Variants in ZNF273 observed in about 807,000 individuals in gnomAD.
The protein encoded by ZNF273 is zinc finger protein 273, also known as zinc finger protein 9.
A neutral mutation model predicts 14.9 loss-of-function variants in ZNF273; 11 were observed. That is an observed-to-expected ratio of 0.74 (90% CI 0.46 to 1.22). The LOEUF (loss-of-function observed/expected upper bound fraction) is 1.22. Ranked by LOEUF, ZNF273 falls within the 50% of genes most tolerant of loss-of-function variation. The pLI is 0.00. For missense variants in ZNF273, 577 were observed against 660.6 expected (o/e 0.87, Z 1.39); for synonymous variants, 199 against 223.9 (o/e 0.89, Z 0.99).
downstream of ZNF273, among the ~76,000 whole-genome samples, chr7:64,880,946 G>T (rs1791233770): frequency 6.6e-6 from 1 of 152,174 alleles, no homozygotes; most frequent in African/African-American, 2.4e-5. Context: ...TTCATTCCGG[G>T]GACGGAGAGT....
At chr7:64,931,472 G>A (rs867074479), downstream of ZNF273, among the ~76,000 whole-genome samples, 1 of 152,038 alleles carries the variant, frequency 6.6e-6, no homozygotes, top group South Asian at 2.1e-4. Context: ...ATAAAATTTA[G>A]TAGTGCACAA....
At position 64,930,432 on chromosome 7, in the gene ZNF273, A is replaced by G. The variant is rs1794964830; in HGVS notation, c.*1394A>G. ...GAAAAATTTTTAATATTAAAATTCA[A>G]TTATATCATTTTATGAATTGTGCTT... On this transcript the variant is annotated 3_prime_UTR_variant, in exon 4 of 4. Transcript: ENST00000476120. 6.6e-6 allele frequency: 1 copy of G among 152,158 alleles called. No individual in the cohort carries two copies. The highest frequency in any genetic ancestry group is 1.5e-5 in the Non-Finnish European group (1 of 68,034). The allele number at this position is 152,158 out of a possible 1,614,324, so 9.4% of individuals were successfully genotyped here.
chr7:64,888,932 G>C, downstream of ZNF273: 1 of 981,668 alleles, frequency 1.0e-6, no homozygotes, highest in Non-Finnish European at 1.2e-6. Flanking sequence ...AGAAAACTCT[G>C]GTGGAGCCCA....
downstream of ZNF273, among the ~76,000 whole-genome samples, chr7:64,882,258 A>T (rs905170229): frequency 1.3e-5 from 2 of 152,062 alleles, no homozygotes; most frequent in African/African-American, 4.8e-5. Flanking sequence ...TCGGGAAGGG[A>T]GTCCCAAGAG....
chr7:64,936,293 T>C, the ZNF273 span, among the ~76,000 whole-genome samples: 1 of 152,320 alleles, frequency 6.6e-6, no homozygotes, highest in Non-Finnish European at 1.5e-5. Context: ...CCAGATTCAG[T>C]AAGTATCTAG....
intron 3 of ZNF273, among the ~76,000 whole-genome samples, chr7:64,894,970 A>T (rs1164879384): frequency 1.9e-5 from 2 of 105,870 alleles, no homozygotes; most frequent in African/African-American, 8.8e-5. Context: ...TCTACTAAAA[A>T]TACAAAAAAA....
rs991409755 is a variant in ZNF273, at chr7:64,918,357, A to G, written c.325+65A>G. ...TGACAGGTCTAAAGGTCAAGGAGAA[A>G]GTCAGTTCTTAAAATGTGATTTGGG... is the stretch of plus-strand genomic sequence containing the variant. On this transcript the variant is annotated intron_variant, in intron 3 of 3. Transcript: ENST00000476120. 11 of 1,424,034 alleles carry G rather than the reference A, an allele frequency of 7.7e-6. No homozygotes were observed. The East Asian group carries it at 3.3e-4, about 43-fold the overall frequency. 88.2% of individuals were successfully genotyped at this position (1,424,034 alleles called of 1,614,324 possible).
rs1259314954 is a variant in ZNF273 at position 64,928,781 on chromosome 7, C to T, written c.1453C>T (p.Pro485Ser). The T allele has an allele frequency of 6.2e-7, 1 of 1,613,582 alleles. No homozygotes were observed. Among genetic ancestry groups the T allele is most frequent in the East Asian group, 2.2e-5 (1 of 44,810 alleles). ...EHKRVHTGEK[P>S]YKCNECGKAF... is the part of the protein sequence containing the mutation. ...TAAGAGAGTTCATACTGGAGAGAAA[C>T]CTTACAAATGCAATGAATGTGGTAA... The change falls in exon 4 of 4, where the codon CCT becomes TCT. Residue 485 changes from proline to serine, a missense_variant. Around this residue, in one of 3 missense-constraint regions of ZNF273, gnomAD observed 411 missense variants for 440.4 expected, o/e 0.93. Transcript: ENST00000476120.
At chr7:64,901,789 A>G (rs190588188), upstream of ZNF273, among the ~76,000 whole-genome samples, 1,285 of 151,402 alleles carry the variant, frequency 8.5e-3, 11 homozygotes, top group Middle Eastern at 0.017. Context: ...CGTCTCTACT[A>G]AAAATACAAA....
intron 1 of ZNF273, among the ~76,000 whole-genome samples, chr7:64,915,047 ATTAAGTTTATT>A (rs1793866316): frequency 6.7e-6 from 1 of 148,624 alleles, no homozygotes. Context: ...TTTCTTCCCT[ATTAAGTTTATT>A]TTAACTACTT....
rs377455025 is a variant in ZNF273 at position 64,925,156 on chromosome 7, A to C, written c.326-2498A>C. ...TATTAAATGTATGTCTCTTGATCGG[A>C]AAGTTAATTATATATATTCAAATAA... On this transcript the variant is annotated intron_variant, in intron 3 of 3. Coordinates refer to ENST00000476120, the MANE Select transcript of ZNF273 (RefSeq NM_021148.3). Among the ~76,000 whole-genome samples, 12 of 152,222 alleles carry C rather than the reference A, an allele frequency of 7.9e-5. No individual in the cohort carries two copies. In the East Asian group the frequency reaches 2.3e-3, roughly 29 times the overall value.
At chr7:64,921,982 T>C (rs1387300114) in intron 3 of ZNF273, among the ~76,000 whole-genome samples, 2 of 152,068 alleles carry the variant, frequency 1.3e-5, no homozygotes, top group Admixed American at 6.5e-5. Flanking sequence ...CTCACCCAAT[T>C]GCGGTTACTA....
chr7:64,909,582 G>A (rs928172634), intron 1 of ZNF273, among the ~76,000 whole-genome samples: 2 of 152,114 alleles, frequency 1.3e-5, no homozygotes, highest in East Asian at 1.9e-4. Flanking sequence ...TTGCTTCCAT[G>A]TCTTTGCTCA....
chr7:64,903,381 A>G lies in ZNF273; in HGVS notation c.64A>G (p.Thr22Ala). 1 of 1,613,528 alleles carries G rather than the reference A, an allele frequency of 6.2e-7. No individual in the cohort carries two copies. The highest frequency in any genetic ancestry group is 1.1e-5 in the South Asian group (1 of 91,080). The part of the protein sequence containing the change: ...APLPAGIGRS[T>A]AKTPGLPGSL... ...GTTACCTGCAGGTATTGGGAGATCC[A>G]CAGCTAAGACGCCAGGACTCCCTGG... Residue 22 changes from threonine (T) to alanine (A), a missense_variant, in exon 1 of 4, where the codon ACA becomes GCA. Coordinates refer to ENST00000476120, the MANE Select transcript of ZNF273 (RefSeq NM_021148.3).
upstream of ZNF273, among the ~76,000 whole-genome samples, chr7:64,900,357 C>T (rs984762565): frequency 2.0e-5 from 3 of 152,124 alleles, no homozygotes; most frequent in African/African-American, 7.2e-5. Context: ...AACTCCTGGG[C>T]TCAAGTGATC....
downstream of ZNF273, chr7:64,933,458 T>C (rs559053096): frequency 2.0e-5 from 3 of 152,338 alleles, no homozygotes; most frequent in Admixed American, 6.5e-5. Context: ...CTTCACAGAA[T>C]GGTGTCATGG....
chr7:64,928,754 C>G lies in ZNF273; in HGVS notation c.1426C>G (p.His476Asp), dbSNP rs1446779228. Residue 476 changes from histidine to aspartate, a missense_variant, in exon 4 of 4, where the codon CAT becomes GAT. This residue lies in a region of ZNF273 where 411 missense variants were observed against 440.4 expected (regional missense o/e 0.93). Coordinates refer to ENST00000476120, the MANE Select transcript of ZNF273 (RefSeq NM_021148.3). ...AFRAFSTLTE[H>D]KRVHTGEKPY... ...TAGGGCATTCTCAACCCTTACTGAA[C>G]ATAAGAGAGTTCATACTGGAGAGAA... 2 of 1,613,202 alleles carry G rather than the reference C, an allele frequency of 1.2e-6. No homozygotes were observed. Among genetic ancestry groups the G allele is most frequent in the African/African-American group, 2.7e-5 (2 of 74,818 alleles).
chr7:64,901,820 C>T (rs1039329146), upstream of ZNF273, among the ~76,000 whole-genome samples: 1 of 151,902 alleles, frequency 6.6e-6, no homozygotes, highest in Non-Finnish European at 1.5e-5. Flanking sequence ...CACGATGGCA[C>T]ATGCCGGTAA....
chr7:64,935,605 T>C (rs929838445), downstream of ZNF273, among the ~76,000 whole-genome samples: 1 of 152,078 alleles, frequency 6.6e-6, no homozygotes, highest in African/African-American at 2.4e-5. Context: ...TCACTGCAAC[T>C]TCTGCCTCCC....
Sources: allele counts gnomAD v4.1 joint callset (sites outside exome capture counted in the v4.1 genomes callset), GRCh38; gene constraint gnomAD v4.1.1; regional missense constraint gnomAD v4.1.1; transcripts MANE v1.5; gene names NCBI Gene and HGNC (gene_info 2026-07-23, HGNC 2026-07-21).